UACA: variants seen among roughly 807,000 people sequenced by gnomAD.
The protein encoded by UACA is nuclear membrane binding protein.
UACA carries 112 observed loss-of-function variants against 160.5 expected under a neutral mutation model. The ratio of observed to expected loss-of-function variants is 0.70; its 90% CI spans 0.60 to 0.82. UACA has a LOEUF of 0.82. Among genes scored for constraint, UACA ranks in the 40% least tolerant of loss-of-function variants. The pLI is 0.00. For synonymous variants in UACA, 557 were observed against 568.4 expected, an observed-to-expected ratio of 0.98 and a Z score of 0.29; for missense variants, 1,574 against 1,614.6, an observed-to-expected ratio of 0.97 and a Z score of 0.43.
intron 1 of UACA, among the ~76,000 whole-genome samples, chr15:70,716,926 A>G (rs1230438344): frequency 6.6e-6 from 1 of 152,240 alleles, no homozygotes; most frequent in Non-Finnish European, 1.5e-5. Flanking sequence ...TTGTGGCTTC[A>G]AACAATGAAA....
Position 70,697,469 on chromosome 15 carries a change from C to T in UACA, c.212+2058G>A, listed in dbSNP as rs556394103. ...GAAGGGCTGTACCTTAGGAGAGAGG[C>T]GAACAGAAAGAAAACAGATCCTTGT... is the stretch of plus-strand genomic sequence containing the variant. On this transcript the variant is annotated intron_variant, in intron 2 of 18. Coordinates refer to ENST00000322954, the MANE Select transcript of UACA (RefSeq NM_018003.4). Among the ~76,000 whole-genome samples the T allele has an allele frequency of 9.3e-4, 141 of 152,210 alleles. 1 individual carries two copies. The highest frequency in any genetic ancestry group is 3.3e-3 in the African/African-American group (136 of 41,510).
At position 70,742,727 on chromosome 15, in the gene UACA, T is replaced by C. The variant is rs1002419133; in HGVS notation, c.78+20603A>G. On this transcript the variant is annotated intron_variant, in intron 1 of 18. Coordinates refer to ENST00000322954, the MANE Select transcript of UACA (RefSeq NM_018003.4). ...CCCATGTGAATGTTTCATATGACTATTATCAGGTTGTACCTATAATTTTTA... is the reference window on the plus strand; with the variant it reads ...CCCATGTGAATGTTTCATATGACTACTATCAGGTTGTACCTATAATTTTTA... Among the ~76,000 whole-genome samples the C allele has an allele frequency of 4.6e-5, 7 of 152,256 alleles. No homozygotes were observed. In the South Asian group the frequency reaches 1.4e-3, roughly 31 times the overall value.
At chr15:70,685,654 A>G (rs1595887406) in intron 7 of UACA, among the ~76,000 whole-genome samples, 1 of 152,358 alleles carries the variant, frequency 6.6e-6, no homozygotes, top group African/African-American at 2.4e-5. Context: ...GCCCTGCTTC[A>G]TTGGCTTTTT....
chr15:70,671,966 G>A lies in UACA; in HGVS notation c.1167C>T (p.Asn389=), dbSNP rs770861703. ...DHLGSGSHFS[N]RKEDMLLKQG... ...GATAATCCATACTTTTATACTTACG[G>A]TTACTGAAATGACTTCCTGATCCTA... is the stretch of plus-strand genomic sequence containing the variant. Residue 389 remains asparagine, a splice_region_variant and synonymous_variant, in exon 14 of 19, where the codon AAC becomes AAT. Transcript: ENST00000322954. 1.1e-5 allele frequency: 17 copies of A among 1,594,922 alleles called. No individual in the cohort carries two copies. In the South Asian group the frequency reaches 1.6e-4, roughly 15 times the overall value.
chr15:70,671,278 C>G (rs1052334129), intron 14 of UACA, 187 bp from the exon 15 acceptor site: 1 of 430,634 alleles, frequency 2.3e-6, no homozygotes, highest in Non-Finnish European at 4.2e-6. Context: ...TACCTACAAT[C>G]TACTGAACAA....
At chr15:70,756,944 T>C (rs952961037) in intron 1 of UACA, among the ~76,000 whole-genome samples, 11 of 152,236 alleles carry the variant, frequency 7.2e-5, no homozygotes, top group African/African-American at 2.7e-4. Flanking sequence ...CATTTAAATG[T>C]TTCAAATAAT....
At chr15:70,724,857 T>TGG (rs1368522084) in intron 1 of UACA, among the ~76,000 whole-genome samples, 1 of 151,460 alleles carries the variant, frequency 6.6e-6, no homozygotes, top group Non-Finnish European at 1.5e-5. Context: ...TTACAAAGTT[T>TGG]GCAATACTCT....
At position 70,655,303 on chromosome 15, in the gene UACA, C is replaced by A. The variant is rs1896450187; in HGVS notation, c.*1753G>T. 6.6e-6 allele frequency: 1 copy of A among 152,380 alleles called. No individual in the cohort carries two copies. The highest frequency in any genetic ancestry group is 1.5e-5 in the Non-Finnish European group (1 of 68,172). The allele number at this position is 152,380 out of a possible 1,614,324, so 9.4% of individuals were successfully genotyped here. ...AGTGCAGTGGCGAGATCTTGGCTCACTGCAACCTCCGCCTCCCAGGTTCAA... is the reference window on the plus strand; with the variant it reads ...AGTGCAGTGGCGAGATCTTGGCTCAATGCAACCTCCGCCTCCCAGGTTCAA... On this transcript the variant is annotated 3_prime_UTR_variant, in exon 19 of 19. Coordinates refer to ENST00000322954, the MANE Select transcript of UACA (RefSeq NM_018003.4).
intron 17 of UACA, among the ~76,000 whole-genome samples, chr15:70,662,001 T>A (rs1896722969): frequency 6.6e-6 from 1 of 152,122 alleles, no homozygotes; most frequent in Admixed American, 6.5e-5. Flanking sequence ...GTATTGGAAG[T>A]TCTGGCCAGG....
At chr15:70,674,932 C>A (rs942213643) in intron 13 of UACA, among the ~76,000 whole-genome samples, 2 of 152,122 alleles carry the variant, frequency 1.3e-5, no homozygotes, top group Non-Finnish European at 2.9e-5. Flanking sequence ...GAAAGTCTAG[C>A]TCCTAGAAGA....
chr15:70,691,323 T>C lies in UACA; in HGVS notation c.342A>G (p.Ala114=), dbSNP rs969352633. 5.6e-6 allele frequency: 9 copies of C among 1,609,330 alleles called. No individual in the cohort carries two copies. Among genetic ancestry groups the C allele is most frequent in the Non-Finnish European group, 7.6e-6 (9 of 1,177,500 alleles). ...CCTGTAGAAGTTTTTGTAGGCACAA[T>C]GCATGTCCATACTTAGCAGCCAGGT... The part of the protein sequence containing the change: ...ALHLAAKYGH[A]LCLQKLLQYN... Residue 114 remains alanine (A), a synonymous_variant, in exon 4 of 19, where the codon GCA becomes GCG. Transcript: ENST00000322954.
chr15:70,691,450 A>T, intron 3 of UACA, 87 bp from the exon 4 acceptor site: 1 of 968,222 alleles, frequency 1.0e-6, no homozygotes, highest in Non-Finnish European at 1.6e-6. Context: ...CTTTTTTCCC[A>T]AAACTAGTTG....
chr15:70,663,220 A>C (rs1896781566), intron 17 of UACA, among the ~76,000 whole-genome samples: 1 of 152,250 alleles, frequency 6.6e-6, no homozygotes, highest in Admixed American at 6.5e-5. Flanking sequence ...ACACTTCTCA[A>C]AAGAAGACAT....
intron 11 of UACA, among the ~76,000 whole-genome samples, chr15:70,677,612 TA>T (rs1336991674): frequency 6.6e-6 from 1 of 152,234 alleles, no homozygotes; most frequent in Admixed American, 6.5e-5. Context: ...GTAAGTCCTG[TA>T]CATAATAAAA....
At chr15:70,688,065 C>T (rs980297276) in intron 5 of UACA, among the ~76,000 whole-genome samples, 1 of 152,138 alleles carries the variant, frequency 6.6e-6, no homozygotes, top group Non-Finnish European at 1.5e-5. Context: ...CAAGAACACA[C>T]TACTATTCTA....
At chr15:70,664,515 T>C (rs1252515245) in intron 17 of UACA, 147 bp downstream of exon 17, 1 of 902,290 alleles carries the variant, frequency 1.1e-6, no homozygotes, top group Admixed American at 3.4e-5. Flanking sequence ...ACACCACCAG[T>C]ATAGGTAACT....
chr15:70,712,071 C>CATATATATATATATATAT (rs1487784734), intron 1 of UACA, among the ~76,000 whole-genome samples: 18 of 124,934 alleles, frequency 1.4e-4, no homozygotes, highest in East Asian at 2.2e-4. Context: ...TATATATCTC[C>CATATATATATATATATAT]ATATACCTTC....
At chr15:70,702,086 G>T in intron 1 of UACA, 3 of 1,362,750 alleles carry the variant, frequency 2.2e-6, no homozygotes, top group Non-Finnish European at 2.8e-6. Context: ...TCGTCTTCAG[G>T]ATCCTTCTCC....
At position 70,684,283 on chromosome 15, in the gene UACA, A is replaced by C. The variant is rs988228657; in HGVS notation, c.766T>G (p.Ser256Ala). The C allele has an allele frequency of 1.2e-6, 2 of 1,609,128 alleles. No individual in the cohort carries two copies. The highest frequency in any genetic ancestry group is 8.5e-7 in the Non-Finnish European group (1 of 1,178,520). ...CTGATACCTTTGTTGGTATTTTCCG[A>C]TGCAGTCTTCAACAAGGTTAGAATG... ...LDILTLLKTA[S>A]ENTNKGRELW... The change falls in exon 8 of 19, where the codon TCG becomes GCG. Residue 256 changes from serine (S) to alanine (A), a missense_variant. Physicochemically the swap from Ser to Ala is moderately conservative, Grantham distance 99. Transcript: ENST00000322954.
Sources: allele counts gnomAD v4.1 joint callset (sites outside exome capture counted in the v4.1 genomes callset), GRCh38; gene constraint gnomAD v4.1.1; transcripts MANE v1.5; gene names NCBI Gene and HGNC (gene_info 2026-07-23, HGNC 2026-07-21).